Variants in HAUS7 observed in about 807,000 individuals in gnomAD.
HAUS7 encodes the protein HAUS augmin like complex subunit 7.
Under a neutral mutation model 28.4 loss-of-function variants are expected in HAUS7, and 3 were observed. That is an observed-to-expected ratio of 0.11 (90% confidence interval 0.05 to 0.27). The LOEUF is 0.27. Ranked by LOEUF, HAUS7 falls within the 10% of genes least tolerant of loss-of-function variation. The pLI, the probability that HAUS7 is intolerant of heterozygous loss-of-function variation, is 1.00. For missense variants in HAUS7, 284 were observed against 297.3 expected, an observed-to-expected ratio of 0.96 and a Z score of 0.33; for synonymous variants, 165 against 132.1, an observed-to-expected ratio of 1.25 and a Z score of -1.71.
chrX:153,464,878 A>T lies in HAUS7; in HGVS notation c.292+110T>A. ...TGGGGTTCAAGAAGGCTCTAGCAAC[A>T]TCCACACAACATGCACCACCTAAAA... On this transcript the variant is annotated intron_variant, in intron 3 of 9. Coordinates refer to ENST00000370211, the MANE Select transcript of HAUS7 (RefSeq NM_001385482.1). The T allele has an allele frequency of 7.1e-6, 4 of 565,952 alleles. No homozygotes were observed. In the Admixed American group the frequency reaches 9.8e-5, roughly 14 times the overall value. The allele number at this position is 565,952 out of a possible 1,213,427, so 46.6% of individuals were successfully genotyped here. A position where few individuals can be genotyped will look rare whatever the true frequency, so the allele number is the denominator to read the frequency against.
intron 1 of HAUS7, among the ~76,000 whole-genome samples, chrX:153,481,169 T>TC (rs1556987221): frequency 1.8e-5 from 2 of 112,275 alleles, no homozygotes; most frequent in African/African-American, 6.5e-5. Context: ...CAAAGTCACG[T>TC]CCCCTCCCCA....
rs782056983 is a variant in HAUS7 at position 153,469,175 on chromosome X, G to C, written c.195C>G (p.Arg65=). The C allele has an allele frequency of 5.1e-6, 6 of 1,179,468 alleles. No homozygotes were observed. The African/African-American group carries it at 7.0e-5, about 14-fold the overall frequency. ...QELLCSPSEY[R]LEILEWMCTR... ...TACACATCCACTCTAGGATCTCCAA[G>C]CGGTACTCTGAGGGGCTGCACAGCA... is the stretch of plus-strand genomic sequence containing the variant. Residue 65 remains arginine (R), a synonymous_variant, in exon 2 of 10, where the codon CGC becomes CGG. Coordinates refer to ENST00000370211, the MANE Select transcript of HAUS7 (RefSeq NM_001385482.1).
At chrX:153,482,097 T>A (rs1391398830) in intron 1 of HAUS7, among the ~76,000 whole-genome samples, 1 of 112,108 alleles carries the variant, frequency 8.9e-6, no homozygotes, top group African/African-American at 3.2e-5. Flanking sequence ...CAATTTGGTG[T>A]GACGTGTTCC....
intron 1 of HAUS7, chrX:153,486,025 G>A (rs1320215274): frequency 2.1e-6 from 2 of 974,907 alleles, no homozygotes; most frequent in East Asian, 7.7e-5. Context: ...ATAACCAGGT[G>A]CAGGCCATCC....
chrX:153,482,451 G>C, intron 1 of HAUS7: 1 of 756,677 alleles, frequency 1.3e-6, no homozygotes, highest in South Asian at 6.7e-5. Flanking sequence ...CAAGGCAGCA[G>C]CTTCCGTGGT....
At chrX:153,478,928 C>T (rs1303150397) in intron 1 of HAUS7, among the ~76,000 whole-genome samples, 2 of 112,527 alleles carry the variant, frequency 1.8e-5, no homozygotes, top group Non-Finnish European at 3.8e-5. Flanking sequence ...GACAGAAGCC[C>T]CATTCATGGA....
upstream of HAUS7, among the ~76,000 whole-genome samples, chrX:153,472,615 GA>G (rs1436915124): frequency 1.8e-5 from 2 of 109,547 alleles, no homozygotes; most frequent in Non-Finnish European, 1.9e-5. Context: ...CTCAGTCCAA[GA>G]AAGCACTCCT....
chrX:153,453,065 GGGATATCCACACAATCAAA>G (rs1402199582), intron 9 of HAUS7, among the ~76,000 whole-genome samples: 1 of 112,609 alleles, frequency 8.9e-6, no homozygotes, highest in Non-Finnish European at 1.9e-5. Flanking sequence ...AACAAAATGT[GGGATATCCACACAATCAAA>G]TATTATTCAA....
upstream of HAUS7, chrX:153,470,674 G>A: frequency 1.9e-6 from 2 of 1,025,736 alleles, no homozygotes; most frequent in Non-Finnish European, 2.6e-6. Flanking sequence ...CTTCCCGACC[G>A]ACCCTTCCCA....
At chrX:153,466,416 T>A (rs901216783) in intron 2 of HAUS7, among the ~76,000 whole-genome samples, 4 of 112,176 alleles carry the variant, frequency 3.6e-5, no homozygotes, top group African/African-American at 1.3e-4. Context: ...CAGAAAATGC[T>A]GGAGGCCTTG....
intron 8 of HAUS7, chrX:153,454,713 T>C: frequency 2.1e-6 from 1 of 484,109 alleles, no homozygotes; most frequent in Non-Finnish European, 3.6e-6. Flanking sequence ...CTAAGTCCCC[T>C]CTTCCTGGCC....
chrX:153,455,587 G>C lies in HAUS7; in HGVS notation c.885C>G (p.Gly295=). 4 of 1,209,299 alleles carry C rather than the reference G, an allele frequency of 3.3e-6. No individual in the cohort carries two copies. The highest frequency in any genetic ancestry group is 4.5e-6 in the Non-Finnish European group (4 of 893,298). ...TCTGGTGCGTGGCCTGGATGATGGGGCCGCACGGGTGGAGGTCAGGGCCTG... is the reference window on the plus strand; with the variant it reads ...TCTGGTGCGTGGCCTGGATGATGGGCCCGCACGGGTGGAGGTCAGGGCCTG... ...QRPGPDLHPC[G]PIIQATHQNL... Residue 295 remains glycine (G), a synonymous_variant, in exon 8 of 10, where the codon GGC becomes GGG. Coordinates refer to ENST00000370211, the MANE Select transcript of HAUS7 (RefSeq NM_001385482.1).
chrX:153,469,395 G>A (rs886413772), intron 1 of HAUS7, 134 bp from the exon 2 acceptor site: 8 of 379,045 alleles, frequency 2.1e-5, no homozygotes, highest in African/African-American at 1.0e-4. Flanking sequence ...GCATGATCTC[G>A]GCTCACTGCA....
At chrX:153,472,689 G>A (rs1250925685), upstream of HAUS7, among the ~76,000 whole-genome samples, 1 of 108,676 alleles carries the variant, frequency 9.2e-6, no homozygotes, top group African/African-American at 3.4e-5. Flanking sequence ...CCCGGTCCTA[G>A]AAGGTCTACA....
chrX:153,493,751 T>C (rs1171699093), intron 1 of HAUS7, among the ~76,000 whole-genome samples: 1 of 111,112 alleles, frequency 9.0e-6, no homozygotes, highest in Non-Finnish European at 1.9e-5. Flanking sequence ...TGCCCTGCCA[T>C]GCCCCCAGGT....
chrX:153,490,481 T>G (rs2089664931), intron 1 of HAUS7, among the ~76,000 whole-genome samples: 1 of 112,675 alleles, frequency 8.9e-6, no homozygotes, highest in South Asian at 3.6e-4. Flanking sequence ...CCAGGGCATG[T>G]TGGCACAAGC....
chrX:153,491,858 G>A (rs1230948276), intron 1 of HAUS7, among the ~76,000 whole-genome samples: 2 of 113,223 alleles, frequency 1.8e-5, no homozygotes, highest in African/African-American at 3.2e-5. Flanking sequence ...GGGGTCTCCC[G>A]GGCTGGGATG....
At chrX:153,456,449 C>A (rs1459328388) in intron 6 of HAUS7, 44 bp downstream of exon 6, 2 of 1,175,336 alleles carry the variant, frequency 1.7e-6, no homozygotes, top group African/African-American at 1.8e-5. Context: ...GGGGCTGGGA[C>A]AGGAGGCCAG....
At chrX:153,491,118 C>G (rs2089668838) in intron 1 of HAUS7, among the ~76,000 whole-genome samples, 1 of 111,589 alleles carries the variant, frequency 9.0e-6, no homozygotes, top group South Asian at 3.9e-4. Context: ...ACTGGACACA[C>G]TTGGGGAGCA....
Sources: allele counts gnomAD v4.1 joint callset (sites outside exome capture counted in the v4.1 genomes callset), GRCh38; gene constraint gnomAD v4.1.1; transcripts MANE v1.5; gene names NCBI Gene and HGNC (gene_info 2026-07-23, HGNC 2026-07-21).